AGPAT3: variants seen among roughly 807,000 people sequenced by gnomAD.
AGPAT3 encodes the protein 1-acylglycerol-3-phosphate O-acyltransferase 3.
AGPAT3 carries 5 observed loss-of-function variants against 47.3 expected under a neutral mutation model. That is an observed-to-expected ratio of 0.11 (90% confidence interval 0.06 to 0.22). AGPAT3 has a LOEUF of 0.22. Among genes scored for constraint, AGPAT3 ranks in the 10% least tolerant of loss-of-function variants. AGPAT3 has a pLI of 1.00. For synonymous variants in AGPAT3, 212 were observed against 208.3 expected, an observed-to-expected ratio of 1.02 and a Z score of -0.15; for missense variants, 315 against 493.0, an observed-to-expected ratio of 0.64 and a Z score of 3.42.
At chr21:43,896,320 C>CT (rs1472282774) in intron 1 of AGPAT3, among the ~76,000 whole-genome samples, 1 of 152,244 alleles carries the variant, frequency 6.6e-6, no homozygotes, top group Non-Finnish European at 1.5e-5. Context: ...TGCTTGATCT[C>CT]TGTCTTCTGA....
chr21:43,910,233 C>T (rs1316203525), intron 2 of AGPAT3, among the ~76,000 whole-genome samples: 1 of 152,170 alleles, frequency 6.6e-6, no homozygotes, highest in Admixed American at 6.5e-5. Context: ...CTGATGGCAG[C>T]CAAAGGTTTG....
In AGPAT3 at chr21:43,983,155, A is replaced by G. The variant is rs1364472033; in HGVS notation, c.*763A>G. Reference sequence around the variant, plus strand: ...CACCTAAAGCTCCTTTGTCGCTCTCATGGCTGTCAGATCCTGGTCCCTCCA... The same window carrying G: ...CACCTAAAGCTCCTTTGTCGCTCTCGTGGCTGTCAGATCCTGGTCCCTCCA... On this transcript the variant is annotated 3_prime_UTR_variant, in exon 10 of 10. Transcript: ENST00000291572. The G allele has an allele frequency of 6.6e-6, 1 of 152,206 alleles. No individual in the cohort carries two copies. The highest frequency in any genetic ancestry group is 1.5e-5 in the Non-Finnish European group (1 of 68,060). 9.4% of individuals were successfully genotyped at this position (152,206 alleles called of 1,614,324 possible). A position where few individuals can be genotyped will look rare whatever the true frequency, so the allele number is the denominator to read the frequency against.
chr21:43,967,332 G>A (rs2146727090), intron 3 of AGPAT3: 1 of 152,706 alleles, frequency 6.5e-6, no homozygotes, highest in South Asian at 2.1e-4. Context: ...GTGCCCTGCT[G>A]TCTCTGGGGA....
intron 2 of AGPAT3, among the ~76,000 whole-genome samples, chr21:43,915,480 C>T (rs1023341842): frequency 1.7e-5 from 2 of 117,408 alleles, no homozygotes; most frequent in African/African-American, 6.7e-5. Context: ...GGTGCGATCT[C>T]GGGTCACTGT....
In AGPAT3 at chr21:43,969,677, C is replaced by A. The variant is rs556640704; in HGVS notation, c.510+398C>A. On this transcript the variant is annotated intron_variant, in intron 5 of 9. Transcript: ENST00000291572. ...ATTTCTGTTTTTTTGTTTTCTTGTT[C>A]GTTTTGTTGTGTGTGTTTTTGTGTG... Among the ~76,000 whole-genome samples, 4 of 151,838 alleles carry A rather than the reference C, an allele frequency of 2.6e-5. No homozygotes were observed. The East Asian group carries it at 5.8e-4, about 22-fold the overall frequency.
intron 1 of AGPAT3, among the ~76,000 whole-genome samples, chr21:43,872,923 A>G (rs1055194264): frequency 6.6e-6 from 1 of 152,248 alleles, no homozygotes; most frequent in African/African-American, 2.4e-5. Flanking sequence ...AGCTGGAGAG[A>G]TGGAAGATCC....
chr21:43,873,870 A>T (rs551292184), intron 1 of AGPAT3, among the ~76,000 whole-genome samples: 2 of 151,824 alleles, frequency 1.3e-5, no homozygotes, highest in South Asian at 4.2e-4. Context: ...CATTTTCTCC[A>T]CTGTGTCTTT....
chr21:43,874,545 G>A (rs143324760), intron 1 of AGPAT3, among the ~76,000 whole-genome samples: 31 of 152,326 alleles, frequency 2.0e-4, no homozygotes, highest in African/African-American at 7.2e-4. Context: ...GATATAGTCT[G>A]TATAGCACTG....
chr21:43,872,071 G>A (rs183906422), intron 1 of AGPAT3, among the ~76,000 whole-genome samples: 135 of 152,198 alleles, frequency 8.9e-4, no homozygotes, highest in African/African-American at 2.9e-3. Flanking sequence ...CAGGTCTTCC[G>A]AGGTGTCTTT....
chr21:43,958,513 G>A (rs1163002098), intron 2 of AGPAT3, among the ~76,000 whole-genome samples: 1 of 151,924 alleles, frequency 6.6e-6, no homozygotes, highest in Admixed American at 6.6e-5. Flanking sequence ...GTGAGCGTGT[G>A]TGTCGTTTTT....
chr21:43,981,418 C>T lies in AGPAT3; in HGVS notation c.1042+231C>T. ...GAACGGCCGCCACCTGGCGCCATCC[C>T]CACTGCAGCCCCACTGGCTGGCGCC... is the stretch of plus-strand genomic sequence containing the variant. On this transcript the variant is annotated intron_variant, in intron 9 of 9. Coordinates refer to ENST00000291572, the MANE Select transcript of AGPAT3 (RefSeq NM_020132.5). This position sits in a 1 kb window ranked among gnomAD's most constrained non-coding sequence, Gnocchi z 5.3. 1.7e-6 allele frequency: 1 copy of T among 583,210 alleles called. No homozygotes were observed. The highest frequency in any genetic ancestry group is 3.0e-6 in the Non-Finnish European group (1 of 328,080). 36.1% of individuals were successfully genotyped at this position (583,210 alleles called of 1,614,324 possible).
In AGPAT3 at chr21:43,981,888, G is replaced by A. The variant is rs941217065; in HGVS notation, c.1043-416G>A. The stretch of plus-strand genomic sequence containing the variant: ...CCACCAGCCTCTCCCATTGGACTAC[G>A]AGATGACTTGAGGCCACCCACAGAG... On this transcript the variant is annotated intron_variant, in intron 9 of 9. Coordinates refer to ENST00000291572, the MANE Select transcript of AGPAT3 (RefSeq NM_020132.5). This position sits in a 1 kb window ranked among gnomAD's most constrained non-coding sequence, Gnocchi z 5.3. Among the ~76,000 whole-genome samples, 1 of 152,228 alleles carries A rather than the reference G, an allele frequency of 6.6e-6. No homozygotes were observed. The highest frequency in any genetic ancestry group is 1.5e-5 in the Non-Finnish European group (1 of 68,032).
chr21:43,958,792 T>C (rs2088630179), intron 2 of AGPAT3, among the ~76,000 whole-genome samples: 1 of 146,456 alleles, frequency 6.8e-6, no homozygotes, highest in African/African-American at 2.6e-5. Flanking sequence ...GTGGCATATG[T>C]GTGGTTTGCA....
chr21:43,907,106 A>G (rs1467635953), intron 2 of AGPAT3, among the ~76,000 whole-genome samples: 1 of 141,746 alleles, frequency 7.1e-6, no homozygotes, highest in East Asian at 2.0e-4. Flanking sequence ...ATCTCAGGTC[A>G]CTTCAGCCTT....
intron 2 of AGPAT3, among the ~76,000 whole-genome samples, chr21:43,951,459 G>A (rs2088188963): frequency 6.6e-6 from 1 of 152,184 alleles, no homozygotes; most frequent in Non-Finnish European, 1.5e-5. Context: ...CTTGGGCAGG[G>A]CAAAGGGAGA....
intron 1 of AGPAT3, among the ~76,000 whole-genome samples, chr21:43,885,218 G>GAGGCCT (rs2085946686): frequency 6.6e-6 from 1 of 152,238 alleles, no homozygotes; most frequent in African/African-American, 2.4e-5. Flanking sequence ...CTGGGTGCAG[G>GAGGCCT]AGGCCTGGGC....
chr21:43,881,467 G>T (rs972790727), intron 1 of AGPAT3, among the ~76,000 whole-genome samples: 1 of 152,224 alleles, frequency 6.6e-6, no homozygotes, highest in Non-Finnish European at 1.5e-5. Flanking sequence ...GACGGCATGA[G>T]CCATGCAGCC....
intron 8 of AGPAT3, among the ~76,000 whole-genome samples, chr21:43,979,298 C>CAAAAAAAAAAAAAAAAA (rs540542305): frequency 3.5e-5 from 2 of 57,678 alleles, no homozygotes; most frequent in African/African-American, 6.5e-5. Context: ...GACTCCAACT[C>CAAAAAAAAAAAAAAAAA]AAAAAAAAAA....
chr21:43,878,295 C>T (rs1340192398), intron 1 of AGPAT3, among the ~76,000 whole-genome samples: 1 of 152,238 alleles, frequency 6.6e-6, no homozygotes, highest in East Asian at 1.9e-4. Context: ...TGGCCTGCTC[C>T]TATCCTGAGT....
Sources: gnomAD v4.1 joint callset for allele counts (sites outside exome capture counted in the v4.1 genomes callset) on GRCh38, gnomAD v4.1.1 for gene constraint, Gnocchi (gnomAD v3.1) non-coding constraint, MANE v1.5 for transcripts, NCBI Gene and HGNC (gene_info 2026-07-23, HGNC 2026-07-21) for gene names.